Variants in DMXL1 observed in about 807,000 individuals in gnomAD.
DMXL1 encodes the protein Dmx like 1, also known as dmX-like protein 1.
Under a neutral mutation model 319.2 loss-of-function variants are expected in DMXL1, and 99 were observed. That is an observed-to-expected ratio of 0.31 (90% CI 0.26 to 0.37). DMXL1 has a LOEUF of 0.37. Ranked by LOEUF, DMXL1 falls within the 10% of genes least tolerant of loss-of-function variation. The pLI, the probability that DMXL1 is intolerant of heterozygous loss-of-function variation, is 1.00. For synonymous variants in DMXL1, 1,385 were observed against 1,235.2 expected, an observed-to-expected ratio of 1.12 and a Z score of -2.54; for missense variants, 3,745 against 3,595.6, an observed-to-expected ratio of 1.04 and a Z score of -1.06.
In DMXL1 at chr5:119,092,511, C is replaced by T. The variant is rs527248698; in HGVS notation, c.88-5468C>T. Reference sequence around the variant, plus strand: ...AACAGCTTTATTGAAATATAATTTACATACCATAAAGTTCACCCTTTTAAA... The same window carrying T: ...AACAGCTTTATTGAAATATAATTTATATACCATAAAGTTCACCCTTTTAAA... On this transcript the variant is annotated intron_variant, in intron 1 of 43. Transcript: ENST00000539542. Among the ~76,000 whole-genome samples, 4 of 152,290 alleles carry T rather than the reference C, an allele frequency of 2.6e-5. No individual in the cohort carries two copies. In the South Asian group the frequency reaches 6.2e-4, roughly 24 times the overall value.
intron 1 of DMXL1, among the ~76,000 whole-genome samples, chr5:119,082,615 A>G (rs1199801128): frequency 6.6e-6 from 1 of 152,166 alleles, no homozygotes; most frequent in Non-Finnish European, 1.5e-5. Flanking sequence ...ATAGATGTAC[A>G]TGCTTTCAAA....
Position 119,237,392 on chromosome 5 carries a change from G to T in DMXL1, c.8537G>T (p.Gly2846Val). 1 of 1,603,930 alleles carries T rather than the reference G, an allele frequency of 6.2e-7. No homozygotes were observed. Among genetic ancestry groups the T allele is most frequent in the Non-Finnish European group, 8.5e-7 (1 of 1,173,186 alleles). ...QTNWKCCPVTGSMPKPYLTWQ... is the reference protein window; with the variant it reads ...QTNWKCCPVTVSMPKPYLTWQ... ...AACTGGAAATGTTGTCCAGTTACTG[G>T]AAGCATGCCTAAGCCATACCTGGTA... is the stretch of plus-strand genomic sequence containing the variant. Residue 2846 changes from glycine (G) to valine (V), a missense_variant, in exon 40 of 44, where the codon GGA (glycine) becomes GTA (valine). Gly to Val is a moderately radical substitution (Grantham distance 109). Coordinates refer to ENST00000539542, the MANE Select transcript of DMXL1 (RefSeq NM_001290321.3).
chr5:119,172,257 A>G (rs1000979592), intron 25 of DMXL1, among the ~76,000 whole-genome samples: 17 of 152,234 alleles, frequency 1.1e-4, no homozygotes, highest in Admixed American at 2.0e-4. Context: ...CTTTAGTAGT[A>G]CATTTAACCA....
chr5:119,135,541 C>T lies in DMXL1; in HGVS notation c.2376+1152C>T, dbSNP rs538729736. ...GTTTGGTATGTGATAAGGTTTGGCTCTGTGTCCCACCCAAATCTCATCTTG... is the reference window on the plus strand; with the variant it reads ...GTTTGGTATGTGATAAGGTTTGGCTTTGTGTCCCACCCAAATCTCATCTTG... On this transcript the variant is annotated intron_variant, in intron 13 of 43. Coordinates refer to ENST00000539542, the MANE Select transcript of DMXL1 (RefSeq NM_001290321.3). Among the ~76,000 whole-genome samples, 4 of 152,338 alleles carry T rather than the reference C, an allele frequency of 2.6e-5. 1 individual carries two copies. The South Asian group carries it at 8.3e-4, about 32-fold the overall frequency.
At chr5:119,135,767 G>T (rs1439362996) in intron 13 of DMXL1, among the ~76,000 whole-genome samples, 2 of 152,202 alleles carry the variant, frequency 1.3e-5, no homozygotes, top group African/African-American at 2.4e-5. Context: ...CTTCTGCCAT[G>T]ATTGTAAGTC....
intron 9 of DMXL1, among the ~76,000 whole-genome samples, chr5:119,125,225 C>G (rs1763255387): frequency 6.6e-6 from 1 of 152,106 alleles, no homozygotes; most frequent in Admixed American, 6.5e-5. Flanking sequence ...AGAATGGTGA[C>G]TTTTTTCTCT....
At chr5:119,243,502 A>AT (rs1471612247) in intron 42 of DMXL1, among the ~76,000 whole-genome samples, 2 of 152,016 alleles carry the variant, frequency 1.3e-5, no homozygotes, top group Non-Finnish European at 2.9e-5. Context: ...CTATATGCAG[A>AT]TTTTTTTCCC....
chr5:119,231,927 C>CCCT (rs1209779497), intron 38 of DMXL1, among the ~76,000 whole-genome samples: 7 of 152,180 alleles, frequency 4.6e-5, no homozygotes, highest in African/African-American at 1.7e-4. Flanking sequence ...GCATGCAAGG[C>CCCT]CCTGGAGCTG....
chr5:119,151,842 G>A (rs1346778309), intron 18 of DMXL1, 87 bp from the exon 19 acceptor site: 6 of 752,366 alleles, frequency 8.0e-6, no homozygotes, highest in Non-Finnish European at 1.1e-5. Context: ...TTCTTGGTCA[G>A]GTTAAGAATG....
intron 28 of DMXL1, among the ~76,000 whole-genome samples, chr5:119,181,129 T>A (rs1265148250): frequency 6.6e-6 from 1 of 152,212 alleles, no homozygotes; most frequent in Non-Finnish European, 1.5e-5. Context: ...TAGTTGTTGG[T>A]TGTAGGCAAA....
At chr5:119,083,868 G>C (rs909354166) in intron 1 of DMXL1, among the ~76,000 whole-genome samples, 2 of 152,080 alleles carry the variant, frequency 1.3e-5, no homozygotes, top group South Asian at 4.1e-4. Flanking sequence ...CCTGCATACA[G>C]TTATCTGTAG....
rs774672621 is a variant in DMXL1 at position 119,077,479 on chromosome 5, G to GTTT, written c.87+5847_87+5849dup. On this transcript the variant is annotated intron_variant, in intron 1 of 43. Transcript: ENST00000539542. ...GTATTGTATTACATCTTCATCTTAG[G>GTTT]TTTTTTTTTTTTTTTTTTTTTTTTT... 1.5e-3 allele frequency among the ~76,000 whole-genome samples: 104 copies of GTTT among 70,212 alleles called. 14 individuals carry two copies. The highest frequency in any genetic ancestry group is 2.2e-3 in the South Asian group (3 of 1,372). 46.1% of individuals were successfully genotyped at this position (70,212 alleles called of 152,430 possible). A position where few individuals can be genotyped will look rare whatever the true frequency, so the allele number is the denominator to read the frequency against.
At chr5:119,109,007 G>A (rs114845509) in intron 4 of DMXL1, among the ~76,000 whole-genome samples, 1 of 150,764 alleles carries the variant, frequency 6.6e-6, no homozygotes, top group Non-Finnish European at 1.5e-5. Flanking sequence ...CTCCATGTTG[G>A]TCAGGTTAAT....
chr5:119,087,619 G>A (rs946900146), intron 1 of DMXL1, among the ~76,000 whole-genome samples: 5 of 152,082 alleles, frequency 3.3e-5, no homozygotes. Context: ...TGAAAATAAT[G>A]TATATTCTGC....
At chr5:119,180,633 T>C (rs1215455136) in intron 28 of DMXL1, among the ~76,000 whole-genome samples, 1 of 152,218 alleles carries the variant, frequency 6.6e-6, no homozygotes, top group African/African-American at 2.4e-5. Context: ...CCTTTTCTGT[T>C]TTTTAAAAAG....
intron 40 of DMXL1, among the ~76,000 whole-genome samples, chr5:119,237,805 T>A (rs1225705845): frequency 6.6e-6 from 1 of 152,102 alleles, no homozygotes; most frequent in African/African-American, 2.4e-5. Context: ...GAAAAGGACA[T>A]CCTATAGCTG....
At chr5:119,157,888 T>A (rs988955670) in intron 19 of DMXL1, among the ~76,000 whole-genome samples, 1 of 152,242 alleles carries the variant, frequency 6.6e-6, no homozygotes, top group Non-Finnish European at 1.5e-5. Flanking sequence ...GAGATTGCGT[T>A]GAATCTGTAG....
intron 41 of DMXL1, 63 bp downstream of exon 41, chr5:119,239,143 C>T (rs990090905): frequency 1.2e-5 from 18 of 1,545,024 alleles, no homozygotes; most frequent in Non-Finnish European, 1.4e-5. Context: ...TTTATTGTTT[C>T]TGTCCTTGTG....
At chr5:119,123,430 G>GGAGGGA (rs370624713) in intron 9 of DMXL1, among the ~76,000 whole-genome samples, 1 of 137,816 alleles carries the variant, frequency 7.3e-6, no homozygotes, top group Non-Finnish European at 1.6e-5. Context: ...GAGAGGGAGA[G>GGAGGGA]GAGGGAGAGG....
Sources: gnomAD v4.1 joint callset for allele counts (sites outside exome capture counted in the v4.1 genomes callset) on GRCh38, gnomAD v4.1.1 for gene constraint, MANE v1.5 for transcripts, NCBI Gene and HGNC (gene_info 2026-07-23, HGNC 2026-07-21) for gene names.